Variants in XYLT1 observed in about 807,000 individuals in gnomAD.
XYLT1 encodes the protein beta-D-xylosyltransferase 1.
XYLT1 carries 36 observed loss-of-function variants against 91.3 expected under a neutral mutation model. The observed-to-expected ratio is 0.39, with a 90% CI of 0.30 to 0.52. The LOEUF (loss-of-function observed/expected upper bound fraction) is 0.52, where lower values mean the gene tolerates loss of function less well. Among genes scored for constraint, XYLT1 ranks in the 20% least tolerant of loss-of-function variants. The pLI, the probability that XYLT1 is intolerant of heterozygous loss-of-function variation, is 0.68. For synonymous variants in XYLT1, 588 were observed against 532.0 expected, an observed-to-expected ratio of 1.11 and a Z score of -1.45; for missense variants, 1,242 against 1,284.5, an observed-to-expected ratio of 0.97 and a Z score of 0.51.
intron 2 of XYLT1, among the ~76,000 whole-genome samples, chr16:17,291,260 C>T (rs890172344): frequency 3.3e-5 from 5 of 152,212 alleles, no homozygotes; most frequent in African/African-American, 1.2e-4. Flanking sequence ...CTGCTTTGGC[C>T]TCTCAAACTG....
intron 10 of XYLT1, among the ~76,000 whole-genome samples, chr16:17,123,029 T>C (rs2030129524): frequency 6.6e-6 from 1 of 152,228 alleles, no homozygotes; most frequent in Non-Finnish European, 1.5e-5. Flanking sequence ...AGATTTGTTC[T>C]TTTTGCTTAG....
At chr16:17,171,692 G>T (rs1488379038) in intron 5 of XYLT1, among the ~76,000 whole-genome samples, 1 of 152,240 alleles carries the variant, frequency 6.6e-6, no homozygotes, top group Non-Finnish European at 1.5e-5. Context: ...TTATCACATA[G>T]ATCATCGGTT....
chr16:17,470,189 G>GC (rs1320714567), intron 1 of XYLT1, among the ~76,000 whole-genome samples: 2 of 152,124 alleles, frequency 1.3e-5, no homozygotes, highest in Non-Finnish European at 2.9e-5. Context: ...CCCCCAAAGC[G>GC]CCCCCGCTGG....
At chr16:17,353,678 A>C (rs2035251375) in intron 2 of XYLT1, among the ~76,000 whole-genome samples, 1 of 151,378 alleles carries the variant, frequency 6.6e-6, no homozygotes, top group African/African-American at 2.4e-5. Context: ...CATATATCTA[A>C]GTACATCTGT....
At chr16:17,269,834 T>G (rs1054838838) in intron 2 of XYLT1, among the ~76,000 whole-genome samples, 42 of 98,914 alleles carry the variant, frequency 4.2e-4, no homozygotes, top group Non-Finnish European at 8.1e-4. Flanking sequence ...TATTTTGAGA[T>G]GGAGTCTCCC....
chr16:17,269,008 C>T (rs1490735763), intron 2 of XYLT1, among the ~76,000 whole-genome samples: 1 of 152,030 alleles, frequency 6.6e-6, no homozygotes, highest in African/African-American at 2.4e-5. Flanking sequence ...GAACCCAGGC[C>T]CCTCAAGTCC....
intron 1 of XYLT1, among the ~76,000 whole-genome samples, chr16:17,417,703 A>G (rs1325244547): frequency 3.3e-5 from 5 of 152,224 alleles, no homozygotes; most frequent in Admixed American, 6.5e-5. Context: ...ATCGAAAGGT[A>G]GTGTCTTATT....
At chr16:17,281,325 G>C (rs2034055434) in intron 2 of XYLT1, among the ~76,000 whole-genome samples, 1 of 152,106 alleles carries the variant, frequency 6.6e-6, no homozygotes, top group Non-Finnish European at 1.5e-5. Context: ...GCAGGCATCA[G>C]AGCTCCGTTG....
chr16:17,174,160 A>G (rs1038787233), intron 5 of XYLT1, among the ~76,000 whole-genome samples: 1 of 152,138 alleles, frequency 6.6e-6, no homozygotes, highest in Non-Finnish European at 1.5e-5. Context: ...TAAAACACAA[A>G]AGAAAGATAT....
rs564640610 is a variant in XYLT1 at position 17,444,117 on chromosome 16, CATA to C, written c.363+26314_363+26316del. On this transcript the variant is annotated intron_variant, in intron 1 of 11. Coordinates refer to ENST00000261381, the MANE Select transcript of XYLT1 (RefSeq NM_022166.4). The stretch of plus-strand genomic sequence containing the variant: ...GGAAATCTGTTTCCTCAGAGGTCCT[CATA>C]ATGTTTCCTCTTCATGTTTAGGTGT... 4.1e-3 allele frequency among the ~76,000 whole-genome samples: 629 copies of C among 152,284 alleles called. 3 individuals carry two copies. The highest frequency in any genetic ancestry group is 0.014 in the African/African-American group (590 of 41,562).
intron 1 of XYLT1, among the ~76,000 whole-genome samples, chr16:17,427,623 A>G (rs530874936): frequency 2.5e-4 from 38 of 152,198 alleles, no homozygotes; most frequent in Admixed American, 2.3e-3. Flanking sequence ...CACATCCCCA[A>G]CACAAGGTTG....
intron 3 of XYLT1, chr16:17,251,336 T>G (rs1282759854): frequency 1.3e-5 from 2 of 152,318 alleles, no homozygotes; most frequent in South Asian, 2.1e-4. Flanking sequence ...CATCACCCAT[T>G]GGAGAACTGC....
At chr16:17,116,703 G>A (rs1012570478) in intron 11 of XYLT1, among the ~76,000 whole-genome samples, 1 of 152,190 alleles carries the variant, frequency 6.6e-6, no homozygotes, top group Non-Finnish European at 1.5e-5. Flanking sequence ...TGTATGTTCA[G>A]CTTTACTAGG....
At chr16:17,449,439 C>A (rs2036636848) in intron 1 of XYLT1, among the ~76,000 whole-genome samples, 1 of 152,256 alleles carries the variant, frequency 6.6e-6, no homozygotes, top group African/African-American at 2.4e-5. Context: ...GGCCCAGCAC[C>A]TGGAAGAGGG....
chr16:17,419,647 T>C (rs1363344740), intron 1 of XYLT1, among the ~76,000 whole-genome samples: 1 of 152,258 alleles, frequency 6.6e-6, no homozygotes, highest in Non-Finnish European at 1.5e-5. Context: ...TTTTGCATTT[T>C]AGACAACATC....
chr16:17,205,039 T>C (rs533305265), intron 3 of XYLT1, among the ~76,000 whole-genome samples: 1 of 141,450 alleles, frequency 7.1e-6, no homozygotes, highest in South Asian at 2.3e-4. Flanking sequence ...AGAAAATAAG[T>C]GGAAAAATCA....
At chr16:17,137,995 T>C (rs1426944077) in intron 8 of XYLT1, among the ~76,000 whole-genome samples, 1 of 151,806 alleles carries the variant, frequency 6.6e-6, no homozygotes, top group Admixed American at 6.6e-5. Context: ...GGTACAAATG[T>C]AACAAATATT....
intron 2 of XYLT1, among the ~76,000 whole-genome samples, chr16:17,317,712 A>T (rs1008699031): frequency 6.6e-6 from 1 of 151,554 alleles, no homozygotes; most frequent in Non-Finnish European, 1.5e-5. Context: ...CTCACATGTT[A>T]AATCATGTTT....
At chr16:17,169,581 A>G (rs1279865715) in intron 5 of XYLT1, among the ~76,000 whole-genome samples, 3 of 150,246 alleles carry the variant, frequency 2.0e-5, no homozygotes, top group South Asian at 2.1e-4. Flanking sequence ...ACTGACAACA[A>G]TCAGCACCCA....
Sources: allele counts gnomAD v4.1 joint callset (sites outside exome capture counted in the v4.1 genomes callset), GRCh38; gene constraint gnomAD v4.1.1; transcripts MANE v1.5; gene names NCBI Gene and HGNC (gene_info 2026-07-23, HGNC 2026-07-21).